Variants in GPHN observed in about 807,000 individuals in gnomAD.
The protein encoded by GPHN is gephyrin.
A neutral mutation model predicts 95.5 loss-of-function variants in GPHN; 17 were observed. The ratio of observed to expected loss-of-function variants is 0.18; its 90% CI spans 0.12 to 0.27. The LOEUF (loss-of-function observed/expected upper bound fraction) is 0.27. Ranked by LOEUF, GPHN falls within the 10% of genes least tolerant of loss-of-function variation. The probability of loss-of-function intolerance (pLI) is 1.00; values close to 1 mark genes in which losing one functional copy is unlikely to be tolerated. For synonymous variants in GPHN, 320 were observed against 322.5 expected (o/e 0.99, Z 0.08); for missense variants, 660 against 978.1 (o/e 0.67, Z 4.34).
At chr14:66,908,013 A>G (rs931660463) in intron 5 of GPHN, among the ~76,000 whole-genome samples, 5 of 151,986 alleles carry the variant, frequency 3.3e-5, no homozygotes, top group African/African-American at 9.7e-5. Context: ...ATACAGAAAT[A>G]TTTGTTTTAT....
rs975543258 is a variant in GPHN, at chr14:66,591,623, C to G, written c.64+83032C>G. Among the ~76,000 whole-genome samples, 35 of 152,052 alleles carry G rather than the reference C, an allele frequency of 2.3e-4. 1 individual carries two copies. The highest frequency in any genetic ancestry group is 1.8e-3 in the Admixed American group (28 of 15,274). ...GGGATGTGAAGGACCTCTTCAAGTACAACTACAAACCACTGCTCAAGGAAA... is the reference window on the plus strand; with the variant it reads ...GGGATGTGAAGGACCTCTTCAAGTAGAACTACAAACCACTGCTCAAGGAAA... On this transcript the variant is annotated intron_variant, in intron 1 of 22. Transcript: ENST00000478722.
At chr14:66,592,773 A>G (rs9844670) in intron 1 of GPHN, among the ~76,000 whole-genome samples, 1 of 152,180 alleles carries the variant, frequency 6.6e-6, no homozygotes, top group African/African-American at 2.4e-5. Context: ...CAGAAATACC[A>G]CTTGACCCAG....
chr14:67,195,697 A>C, the GPHN span, among the ~76,000 whole-genome samples: 1 of 147,526 alleles, frequency 6.8e-6, no homozygotes, highest in South Asian at 2.2e-4. Flanking sequence ...TATAGAACTT[A>C]ATGCTTTCTT....
chr14:66,549,002 G>C (rs2059714002), intron 1 of GPHN, among the ~76,000 whole-genome samples: 1 of 151,928 alleles, frequency 6.6e-6, no homozygotes, highest in African/African-American at 2.4e-5. Context: ...CTTTTTACGT[G>C]CTCTCATTTT....
chr14:67,133,163 C>A (rs950286450), intron 17 of GPHN, among the ~76,000 whole-genome samples: 1 of 149,128 alleles, frequency 6.7e-6, no homozygotes. Flanking sequence ...TTATCTTTGA[C>A]CTCTGAAGAA....
chr14:67,685,289 T>C, the GPHN span: 1 of 1,102,652 alleles, frequency 9.1e-7, no homozygotes. Flanking sequence ...TAAATAAGCA[T>C]GTGACCTTCA....
the GPHN span, among the ~76,000 whole-genome samples, chr14:67,459,530 T>G: frequency 6.6e-6 from 1 of 152,218 alleles, no homozygotes; most frequent in East Asian, 1.9e-4. Context: ...AAGTTCTTGC[T>G]TTCACCATGC....
At chr14:66,807,077 G>A (rs1372927911) in intron 3 of GPHN, among the ~76,000 whole-genome samples, 1 of 152,166 alleles carries the variant, frequency 6.6e-6, no homozygotes, top group Non-Finnish European at 1.5e-5. Context: ...ATGGCTGGGA[G>A]GCCTCACAAT....
chr14:66,836,732 C>G (rs1484646053), intron 4 of GPHN, among the ~76,000 whole-genome samples: 2 of 150,610 alleles, frequency 1.3e-5, no homozygotes, highest in Non-Finnish European at 2.9e-5. Flanking sequence ...ACAATGAACT[C>G]AAACAAATTT....
At chr14:67,683,240 T>C in the GPHN span, among the ~76,000 whole-genome samples, 1 of 152,184 alleles carries the variant, frequency 6.6e-6, no homozygotes, top group Non-Finnish European at 1.5e-5. Flanking sequence ...GATTTAGAGC[T>C]GACTTTCTTT....
At chr14:67,024,591 A>G (rs2073829139) in intron 10 of GPHN, among the ~76,000 whole-genome samples, 1 of 152,248 alleles carries the variant, frequency 6.6e-6, no homozygotes. Flanking sequence ...ACAGATTAAC[A>G]TCAGCAAAGG....
chr14:66,951,640 G>A (rs765330532), intron 8 of GPHN, among the ~76,000 whole-genome samples: 19 of 152,168 alleles, frequency 1.2e-4, no homozygotes, highest in Non-Finnish European at 2.5e-4. Flanking sequence ...ATCAAAGTGG[G>A]AAGACCTGCT....
At chr14:67,089,115 A>ATTTTTTTTTT (rs371624615) in intron 12 of GPHN, 40 bp downstream of exon 12, 22 of 363,224 alleles carry the variant, frequency 6.1e-5, no homozygotes, top group Non-Finnish European at 9.6e-5. Context: ...CAGGCACTGT[A>ATTTTTTTTTT]TTTTTTTTTC....
the GPHN span, among the ~76,000 whole-genome samples, chr14:67,230,569 C>A: frequency 6.6e-6 from 1 of 151,440 alleles, no homozygotes; most frequent in African/African-American, 2.4e-5. Flanking sequence ...AAGACCCTCT[C>A]TCAAGAAAAA....
intron 4 of GPHN, among the ~76,000 whole-genome samples, chr14:66,874,724 A>C (rs577845435): frequency 2.6e-5 from 4 of 152,302 alleles, no homozygotes; most frequent in South Asian, 2.1e-4. Flanking sequence ...AATGAAAAGG[A>C]ATGAACAGAG....
At chr14:67,173,994 C>T (rs1297936926) in intron 21 of GPHN, among the ~76,000 whole-genome samples, 1 of 152,100 alleles carries the variant, frequency 6.6e-6, no homozygotes, top group Non-Finnish European at 1.5e-5. Flanking sequence ...TGAAATTACC[C>T]ACTCTGAAGG....
chr14:67,545,368 GAGAA>G, the GPHN span, among the ~76,000 whole-genome samples: 34 of 152,166 alleles, frequency 2.2e-4, no homozygotes, highest in African/African-American at 7.7e-4. Context: ...CTATTTATAT[GAGAA>G]AGAAAGAGAG....
At chr14:67,279,488 A>G in the GPHN span, 1 of 1,583,982 alleles carries the variant, frequency 6.3e-7, no homozygotes, top group African/African-American at 1.4e-5. Flanking sequence ...TGTTTGATAC[A>G]GAGGAAGGAA....
chr14:67,211,139 G>A, the GPHN span, among the ~76,000 whole-genome samples: 1 of 152,284 alleles, frequency 6.6e-6, no homozygotes, highest in East Asian at 1.9e-4. Flanking sequence ...GTAACATGGG[G>A]ATACTATCTA....
Sources: gnomAD v4.1 joint callset for allele counts (sites outside exome capture counted in the v4.1 genomes callset) on GRCh38, gnomAD v4.1.1 for gene constraint, MANE v1.5 for transcripts, NCBI Gene and HGNC (gene_info 2026-07-23, HGNC 2026-07-21) for gene names.